Variants in ITPR2 observed in about 807,000 individuals in gnomAD.
ITPR2 encodes inositol 1,4,5-trisphosphate receptor type 2.
Under a neutral mutation model 317.1 loss-of-function variants are expected in ITPR2, and 207 were observed. The ratio of observed to expected loss-of-function variants is 0.65; its 90% confidence interval spans 0.58 to 0.73. The LOEUF (loss-of-function observed/expected upper bound fraction) is 0.73. Among genes scored for constraint, ITPR2 ranks in the 30% least tolerant of loss-of-function variants. The probability of loss-of-function intolerance (pLI) is 0.00; values close to 1 mark genes in which losing one functional copy is unlikely to be tolerated. For missense variants in ITPR2, 2,613 were observed against 3,284.0 expected, an observed-to-expected ratio of 0.80 and a Z score of 4.99; for synonymous variants, 1,156 against 1,149.1, an observed-to-expected ratio of 1.01 and a Z score of -0.12.
chr12:26,655,628 AAAAAG>A, intron 20 of ITPR2, 75 bp downstream of exon 20: 1 of 1,277,882 alleles, frequency 7.8e-7, no homozygotes, highest in Non-Finnish European at 1.1e-6. Context: ...AAAAAAAAAA[AAAAAG>A]CAGAGAAAAT....
Position 26,481,181 on chromosome 12 carries a change from C to G in ITPR2, c.6073G>C (p.Asp2025His). 1 of 1,613,744 alleles carries G rather than the reference C, an allele frequency of 6.2e-7. No homozygotes were observed. The highest frequency in any genetic ancestry group is 8.5e-7 in the Non-Finnish European group (1 of 1,179,730). ...CGGTATTTACCAAGAGGGTTTATGTCATTCAGAATCAAAGCAATGATGATA... is the reference window on the plus strand; with the variant it reads ...CGGTATTTACCAAGAGGGTTTATGTGATTCAGAATCAAAGCAATGATGATA... Reference protein sequence around the residue: ...IDIIIALILNDINPLGKYRMD... With the variant: ...IDIIIALILNHINPLGKYRMD... Residue 2025 changes from aspartate to histidine, a missense_variant, in exon 43 of 57, where the codon GAC becomes CAC. Coordinates refer to ENST00000381340, the MANE Select transcript of ITPR2 (RefSeq NM_002223.4).
chr12:26,426,207 T>C (rs1941057298), intron 49 of ITPR2, among the ~76,000 whole-genome samples: 1 of 152,182 alleles, frequency 6.6e-6, no homozygotes, highest in Non-Finnish European at 1.5e-5. Context: ...TCACTTGGAT[T>C]CATGTCTTCT....
At chr12:26,577,247 C>G (rs1945297389) in intron 34 of ITPR2, among the ~76,000 whole-genome samples, 1 of 152,208 alleles carries the variant, frequency 6.6e-6, no homozygotes, top group Admixed American at 6.5e-5. Flanking sequence ...TAGCAGAGGC[C>G]AAGCTGCAAA....
rs1453152188 is a variant in ITPR2, at chr12:26,665,777, A to G, written c.1551+133T>C. On this transcript the variant is annotated intron_variant, in intron 14 of 56. Transcript: ENST00000381340. ...ACTACTCCACAGAAACTGTGAGACA[A>G]GAAGTATCTTGTTTTCAGCCACTAA... The G allele has an allele frequency of 4.0e-6, 3 of 758,408 alleles. No individual in the cohort carries two copies. In the African/African-American group the frequency reaches 5.3e-5, roughly 13 times the overall value. The allele number at this position is 758,408 out of a possible 1,614,324, so 47.0% of individuals were successfully genotyped here.
intron 32 of ITPR2, among the ~76,000 whole-genome samples, chr12:26,591,369 C>A (rs769552207): frequency 2.6e-5 from 4 of 152,072 alleles, no homozygotes; most frequent in Non-Finnish European, 5.9e-5. Context: ...AAATGCAAAT[C>A]GAAACTACAA....
intron 34 of ITPR2, among the ~76,000 whole-genome samples, chr12:26,565,255 G>A (rs561315296): frequency 6.6e-6 from 1 of 152,222 alleles, no homozygotes; most frequent in East Asian, 1.9e-4. Context: ...AGAAAATTAA[G>A]TTAGAAACAA....
At chr12:26,536,428 G>A (rs930384447) in intron 37 of ITPR2, among the ~76,000 whole-genome samples, 2 of 152,108 alleles carry the variant, frequency 1.3e-5, no homozygotes, top group Non-Finnish European at 2.9e-5. Flanking sequence ...TCGAGACTAT[G>A]AAATCTGAGG....
intron 26 of ITPR2, among the ~76,000 whole-genome samples, chr12:26,608,753 T>C (rs1476171023): frequency 6.6e-6 from 1 of 150,818 alleles, no homozygotes; most frequent in African/African-American, 2.4e-5. Flanking sequence ...CTCCCCAAGT[T>C]TGCATTTTTG....
At chr12:26,420,040 C>A (rs879297176) in intron 49 of ITPR2, among the ~76,000 whole-genome samples, 24 of 152,054 alleles carry the variant, frequency 1.6e-4, no homozygotes, top group Non-Finnish European at 2.9e-4. Flanking sequence ...TTATATTCAA[C>A]CCACATTTCA....
rs7304857 is a variant in ITPR2, at chr12:26,559,500, G to A, written c.4821+2262C>T. Among the ~76,000 whole-genome samples, 1,475 of 152,144 alleles carry A rather than the reference G, an allele frequency of 9.7e-3. 25 individuals carry two copies. Among genetic ancestry groups the A allele is most frequent in the African/African-American group, 0.034 (1,395 of 41,494 alleles). ...GTAGAAGGGCTGAATGAGCTTGCAC[G>A]GGCCTATTTTATAGGGACTCTAATC... On this transcript the variant is annotated intron_variant, in intron 35 of 56. Coordinates refer to ENST00000381340, the MANE Select transcript of ITPR2 (RefSeq NM_002223.4).
chr12:26,561,977 T>C lies in ITPR2; in HGVS notation c.4631-25A>G, dbSNP rs760424227. The C allele has an allele frequency of 1.7e-5, 25 of 1,474,224 alleles. No homozygotes were observed. In the Middle Eastern group the frequency reaches 5.4e-4, roughly 32 times the overall value. 91.3% of individuals were successfully genotyped at this position (1,474,224 alleles called of 1,614,324 possible). A position where few individuals can be genotyped will look rare whatever the true frequency, so the allele number is the denominator to read the frequency against. On this transcript the variant is annotated intron_variant, in intron 34 of 56. Coordinates refer to ENST00000381340, the MANE Select transcript of ITPR2 (RefSeq NM_002223.4). ...GCTGAAAAAGAAAGATTTAAAATAT[T>C]TCCCTCTTAATTTGACTAAAGTTTC... is the stretch of plus-strand genomic sequence containing the variant.
At chr12:26,554,775 CTT>C (rs200156945) in intron 36 of ITPR2, among the ~76,000 whole-genome samples, 5 of 147,704 alleles carry the variant, frequency 3.4e-5, no homozygotes, top group African/African-American at 1.2e-4. Flanking sequence ...ATTATCTTTG[CTT>C]TTTTTTTTCA....
intron 52 of ITPR2, among the ~76,000 whole-genome samples, chr12:26,402,805 A>G (rs1940220344): frequency 6.6e-6 from 1 of 152,204 alleles, no homozygotes; most frequent in African/African-American, 2.4e-5. Flanking sequence ...GCTCTGAGTC[A>G]TGGTAAATTC....
chr12:26,764,591 CAT>C (rs2137132752), intron 2 of ITPR2, among the ~76,000 whole-genome samples: 1 of 152,078 alleles, frequency 6.6e-6, no homozygotes, highest in African/African-American at 2.4e-5. Flanking sequence ...ATGTTCTGCA[CAT>C]GTATCCCAGA....
In ITPR2 at chr12:26,486,414, A is replaced by T. The variant is rs532503745; in HGVS notation, c.5555-54T>A. 575 of 948,724 alleles carry T rather than the reference A, an allele frequency of 6.1e-4. No homozygotes were observed. In the Middle Eastern group the frequency reaches 0.011, roughly 18 times the overall value. The allele number at this position is 948,724 out of a possible 1,614,324, so 58.8% of individuals were successfully genotyped here. A position where few individuals can be genotyped will look rare whatever the true frequency, so the allele number is the denominator to read the frequency against. On this transcript the variant is annotated intron_variant, in intron 40 of 56. Coordinates refer to ENST00000381340, the MANE Select transcript of ITPR2 (RefSeq NM_002223.4). The stretch of plus-strand genomic sequence containing the variant: ...CTGAACCAATTTGCTTTTACTAATT[A>T]AAAAAAAAAAAACAAACCAGGTACC...
chr12:26,472,635 C>T (rs1225432609), intron 45 of ITPR2, among the ~76,000 whole-genome samples: 1 of 152,072 alleles, frequency 6.6e-6, no homozygotes, highest in Non-Finnish European at 1.5e-5. Context: ...TGGGCAATTC[C>T]ACCATCATCT....
chr12:26,617,855 T>G (rs1308485974), intron 26 of ITPR2, among the ~76,000 whole-genome samples: 1 of 151,990 alleles, frequency 6.6e-6, no homozygotes, highest in Non-Finnish European at 1.5e-5. Context: ...GCAACAGAGA[T>G]GTAAAATTCT....
At chr12:26,524,994 A>G (rs528783956) in intron 37 of ITPR2, among the ~76,000 whole-genome samples, 80 of 152,236 alleles carry the variant, frequency 5.3e-4, no homozygotes, top group Non-Finnish European at 1.0e-3. Context: ...CATTTCTATA[A>G]TTTAAAACTA....
At chr12:26,437,346 T>C (rs1192682392) in intron 47 of ITPR2, among the ~76,000 whole-genome samples, 4 of 152,234 alleles carry the variant, frequency 2.6e-5, no homozygotes, top group Non-Finnish European at 5.9e-5. Flanking sequence ...GCCTATTGCC[T>C]ACTTACAAAC....
Sources: allele counts gnomAD v4.1 joint callset (sites outside exome capture counted in the v4.1 genomes callset), GRCh38; gene constraint gnomAD v4.1.1; transcripts MANE v1.5; gene names NCBI Gene and HGNC (gene_info 2026-07-23, HGNC 2026-07-21).